The following KIF6 variants were observed in gnomAD, a reference collection of about 807,000 sequenced individuals.
KIF6 encodes kinesin-like protein KIF6.
In KIF6, 106 loss-of-function variants were observed where a neutral mutation model predicts 112.7. That is an observed-to-expected ratio of 0.94 (90% confidence interval 0.80 to 1.11). KIF6 has a LOEUF of 1.11. KIF6 is among the 50% of genes least tolerant of loss of function. The pLI is 0.00. For synonymous variants in KIF6, 339 were observed against 339.9 expected, an observed-to-expected ratio of 1.00 and a Z score of 0.03; for missense variants, 929 against 964.0, an observed-to-expected ratio of 0.96 and a Z score of 0.48.
At chr6:39,341,612 C>T (rs1581619696) in intron 22 of KIF6, among the ~76,000 whole-genome samples, 1 of 152,170 alleles carries the variant, frequency 6.6e-6, no homozygotes, top group East Asian at 1.9e-4. Context: ...TGATGCTCAC[C>T]TGTCTACTCG....
chr6:39,709,747 T>C (rs1470111883), intron 3 of KIF6, among the ~76,000 whole-genome samples: 1 of 152,214 alleles, frequency 6.6e-6, no homozygotes, highest in East Asian at 1.9e-4. Flanking sequence ...AGAATAACTT[T>C]AAAGGGCTAG....
At chr6:39,594,807 T>C (rs1007802286) in intron 7 of KIF6, among the ~76,000 whole-genome samples, 2 of 152,234 alleles carry the variant, frequency 1.3e-5, no homozygotes, top group East Asian at 3.8e-4. Context: ...TCTGTACTTC[T>C]CCACTCCAAT....
intron 3 of KIF6, among the ~76,000 whole-genome samples, chr6:39,699,689 A>C (rs538651496): frequency 6.6e-6 from 1 of 152,282 alleles, no homozygotes; most frequent in East Asian, 1.9e-4. Context: ...CCTTAAAAAC[A>C]TTTTAGTATT....
intron 13 of KIF6, among the ~76,000 whole-genome samples, chr6:39,447,688 C>A (rs7738282): frequency 0.035 from 5,289 of 152,172 alleles, 134 homozygotes; most frequent in African/African-American, 0.049. Flanking sequence ...CTTCCTTTAC[C>A]CCATTAACCT....
intron 15 of KIF6, among the ~76,000 whole-genome samples, chr6:39,390,538 G>A (rs1341973759): frequency 6.6e-6 from 1 of 152,136 alleles, no homozygotes; most frequent in Non-Finnish European, 1.5e-5. Flanking sequence ...GGACAGGGGC[G>A]GCAAGGGAAG....
rs976033658 is a variant in KIF6, at chr6:39,343,148, G to T, written c.2428+561C>A. ...GGCAGCTGCCAAGAGGACGGGGCTG[G>T]GGGTGGAGGGGGCAGTGATGCAGAC... On this transcript the variant is annotated intron_variant, in intron 22 of 22. Transcript: ENST00000287152. This position sits in a 1 kb window ranked among gnomAD's most constrained non-coding sequence, Gnocchi z 4.1. The T allele has an allele frequency of 9.1e-6, 9 of 985,250 alleles. No homozygotes were observed. The African/African-American group carries it at 1.6e-4, about 17-fold the overall frequency. 61.0% of individuals were successfully genotyped at this position (985,250 alleles called of 1,614,324 possible). A position where few individuals can be genotyped will look rare whatever the true frequency, so the allele number is the denominator to read the frequency against.
chr6:39,475,311 T>C (rs1432009478), intron 13 of KIF6, among the ~76,000 whole-genome samples: 2 of 152,206 alleles, frequency 1.3e-5, no homozygotes, highest in Non-Finnish European at 2.9e-5. Flanking sequence ...GCTGAACATA[T>C]GTCAAAGTTG....
chr6:39,568,702 C>A (rs1169271102), intron 10 of KIF6, among the ~76,000 whole-genome samples: 1 of 152,028 alleles, frequency 6.6e-6, no homozygotes, highest in Non-Finnish European at 1.5e-5. Flanking sequence ...AGACACCCAC[C>A]ATCATGCCCG....
intron 5 of KIF6, among the ~76,000 whole-genome samples, chr6:39,623,113 T>C (rs1480548938): frequency 2.0e-5 from 3 of 152,216 alleles, no homozygotes; most frequent in Non-Finnish European, 4.4e-5. Context: ...AATGATTACA[T>C]TGTATAGAAT....
intron 13 of KIF6, among the ~76,000 whole-genome samples, chr6:39,475,750 G>A (rs576358443): frequency 7.2e-5 from 11 of 152,120 alleles, no homozygotes; most frequent in Admixed American, 2.6e-4. Flanking sequence ...AGCGAGAGGC[G>A]CCTTCATGAG....
chr6:39,629,221 G>GTATGT (rs1475649397), intron 5 of KIF6, among the ~76,000 whole-genome samples: 1 of 152,084 alleles, frequency 6.6e-6, no homozygotes, highest in Non-Finnish European at 1.5e-5. Flanking sequence ...TATGGTAAAA[G>GTATGT]TATGTTTAAT....
At chr6:39,662,576 T>C (rs1786217612) in intron 3 of KIF6, among the ~76,000 whole-genome samples, 1 of 152,170 alleles carries the variant, frequency 6.6e-6, no homozygotes, top group Non-Finnish European at 1.5e-5. Flanking sequence ...ACACAGCTTT[T>C]ATAGAGACAA....
chr6:39,487,300 G>C (rs971679532), intron 13 of KIF6, among the ~76,000 whole-genome samples: 5 of 152,122 alleles, frequency 3.3e-5, no homozygotes, highest in African/African-American at 1.2e-4. Context: ...CCAGCTGCTG[G>C]GACTGCTGCT....
chr6:39,357,448 CTT>C (rs552350303), intron 18 of KIF6, 74 bp from the exon 19 acceptor site: 42,944 of 529,280 alleles, frequency 0.081, 22 homozygotes, highest in East Asian at 0.11. Context: ...TGATGTAATT[CTT>C]TTTTTTTTTT....
At chr6:39,555,467 C>T (rs1406680522) in intron 10 of KIF6, among the ~76,000 whole-genome samples, 1 of 152,012 alleles carries the variant, frequency 6.6e-6, no homozygotes, top group Non-Finnish European at 1.5e-5. Flanking sequence ...CCCTCAGCCC[C>T]GTGTACTTGT....
chr6:39,428,169 C>A (rs1770899198), intron 14 of KIF6, among the ~76,000 whole-genome samples: 1 of 152,144 alleles, frequency 6.6e-6, no homozygotes, highest in Admixed American at 6.5e-5. Context: ...TCAGGTTGCA[C>A]CTAATTTAAT....
At chr6:39,623,009 T>C (rs2150738758) in intron 5 of KIF6, among the ~76,000 whole-genome samples, 1 of 152,308 alleles carries the variant, frequency 6.6e-6, no homozygotes, top group South Asian at 2.1e-4. Context: ...GGTTAAGCCA[T>C]TGGAAGTTAG....
intron 13 of KIF6, among the ~76,000 whole-genome samples, chr6:39,533,775 C>T (rs906189725): frequency 3.3e-5 from 5 of 152,176 alleles, no homozygotes; most frequent in African/African-American, 1.2e-4. Context: ...GGTCCCTGAC[C>T]CCTGACTCCC....
intron 16 of KIF6, among the ~76,000 whole-genome samples, chr6:39,381,295 G>C (rs550497646): frequency 6.6e-6 from 1 of 152,210 alleles, no homozygotes; most frequent in East Asian, 1.9e-4. Flanking sequence ...GTAGGCAAAA[G>C]AAAGAAACAA....
Sources: gnomAD v4.1 joint callset for allele counts (sites outside exome capture counted in the v4.1 genomes callset) on GRCh38, gnomAD v4.1.1 for gene constraint, Gnocchi (gnomAD v3.1) non-coding constraint, MANE v1.5 for transcripts, NCBI Gene and HGNC (gene_info 2026-07-23, HGNC 2026-07-21) for gene names.